GALNT17: variants seen among roughly 807,000 people sequenced by gnomAD.
GALNT17 encodes the protein UDP-GalNAc:polypeptide N-acetylgalactosaminyltransferase-like 3.
In GALNT17, 29 loss-of-function variants were observed where a neutral mutation model predicts 63.7. That is an observed-to-expected ratio of 0.46 (90% CI 0.34 to 0.62). The LOEUF is 0.62. Among genes scored for constraint, GALNT17 ranks in the 20% least tolerant of loss-of-function variants. The pLI, the probability that GALNT17 is intolerant of heterozygous loss-of-function variation, is 0.01. For missense variants in GALNT17, 603 were observed against 799.6 expected (o/e 0.75, Z 2.97); for synonymous variants, 305 against 318.3 (o/e 0.96, Z 0.45).
intron 3 of GALNT17, among the ~76,000 whole-genome samples, chr7:71,413,839 G>A (rs1338024801): frequency 6.6e-6 from 1 of 151,870 alleles, no homozygotes; most frequent in Admixed American, 6.6e-5. Context: ...CATTGGAGGT[G>A]GCATCTACCT....
intron 1 of GALNT17, among the ~76,000 whole-genome samples, chr7:71,171,322 C>T (rs1357840001): frequency 6.6e-6 from 1 of 152,116 alleles, no homozygotes; most frequent in Non-Finnish European, 1.5e-5. Flanking sequence ...CAAGACCAGC[C>T]TGAGCAACAT....
chr7:71,194,816 A>G (rs76114399), intron 1 of GALNT17, among the ~76,000 whole-genome samples: 1,696 of 152,318 alleles, frequency 0.011, 29 homozygotes, highest in East Asian at 0.064. Flanking sequence ...GTGGAGTTAC[A>G]TCAGAGCCCT....
chr7:71,143,483 G>A (rs184870545), intron 1 of GALNT17, among the ~76,000 whole-genome samples: 59 of 152,146 alleles, frequency 3.9e-4, no homozygotes, highest in Admixed American at 1.2e-3. Context: ...ACGAATCTGC[G>A]GGATTCCTGG....
intron 6 of GALNT17, among the ~76,000 whole-genome samples, chr7:71,578,004 C>CGTTCATTT (rs1554311557): frequency 1.4e-5 from 2 of 143,234 alleles, no homozygotes; most frequent in Non-Finnish European, 3.0e-5. Flanking sequence ...GGGTTGTTTA[C>CGTTCATTT]ATTTATTTAT....
At chr7:71,509,936 T>C (rs1008965207) in intron 5 of GALNT17, among the ~76,000 whole-genome samples, 5 of 115,370 alleles carry the variant, frequency 4.3e-5, no homozygotes, top group African/African-American at 1.2e-4. Flanking sequence ...CAATTCTCCA[T>C]TTAAAGTGTA....
At chr7:71,241,875 T>C (rs1790003552) in intron 1 of GALNT17, among the ~76,000 whole-genome samples, 2 of 152,102 alleles carry the variant, frequency 1.3e-5, no homozygotes, top group Admixed American at 6.6e-5. Flanking sequence ...GGTGACAGGA[T>C]GAGACCTTAT....
rs543506570 is a variant in GALNT17 at position 71,355,634 on chromosome 7, G to A, written c.422+19901G>A. Among the ~76,000 whole-genome samples the A allele has an allele frequency of 3.3e-5, 5 of 152,034 alleles. No individual in the cohort carries two copies. In the East Asian group the frequency reaches 9.7e-4, roughly 29 times the overall value. On this transcript the variant is annotated intron_variant, in intron 2 of 10. Transcript: ENST00000333538. ...TGCAACCTCTGCTTCCCAGGTTCAA[G>A]CAATTCTCCTGCCTCAGCCTTCCGA...
In GALNT17 at chr7:71,485,905, A is replaced by G. The variant is rs553734831; in HGVS notation, c.962+64800A>G. Reference sequence around the variant, plus strand: ...GCAGTGCCCTTTTCTTAAGGAATTCATAATCTAATTGTTACGTTTCTCTGA... The same window carrying G: ...GCAGTGCCCTTTTCTTAAGGAATTCGTAATCTAATTGTTACGTTTCTCTGA... On this transcript the variant is annotated intron_variant, in intron 5 of 10. Transcript: ENST00000333538. Among the ~76,000 whole-genome samples, 4 of 152,336 alleles carry G rather than the reference A, an allele frequency of 2.6e-5. No individual in the cohort carries two copies. In the East Asian group the frequency reaches 7.7e-4, roughly 29 times the overall value.
intron 5 of GALNT17, among the ~76,000 whole-genome samples, chr7:71,464,710 C>G (rs1364031785): frequency 1.3e-5 from 2 of 152,102 alleles, no homozygotes; most frequent in African/African-American, 4.8e-5. Context: ...CCCACTTGGT[C>G]CGTGGACAGG....
chr7:71,272,066 A>G (rs1790602744), intron 1 of GALNT17, among the ~76,000 whole-genome samples: 1 of 152,006 alleles, frequency 6.6e-6, no homozygotes, highest in Admixed American at 6.6e-5. Flanking sequence ...GTTGTCCCCT[A>G]TTTCTATGGT....
intron 1 of GALNT17, among the ~76,000 whole-genome samples, chr7:71,244,434 G>T (rs144285283): frequency 2.8e-4 from 43 of 152,284 alleles, no homozygotes; most frequent in South Asian, 8.3e-4. Context: ...GTCAGGAGCT[G>T]AGTCTTTGGA....
intron 5 of GALNT17, among the ~76,000 whole-genome samples, chr7:71,531,651 G>T (rs891739662): frequency 3.3e-5 from 5 of 152,130 alleles, no homozygotes; most frequent in Non-Finnish European, 5.9e-5. Context: ...TGACCATTGT[G>T]TTGCCCAGAC....
At chr7:71,434,270 A>T (rs903371374) in intron 5 of GALNT17, among the ~76,000 whole-genome samples, 3 of 152,028 alleles carry the variant, frequency 2.0e-5, no homozygotes, top group African/African-American at 7.2e-5. Context: ...ATATACATCT[A>T]TCTTATGAGT....
chr7:71,542,420 A>G (rs919654859), intron 5 of GALNT17, among the ~76,000 whole-genome samples: 2 of 152,002 alleles, frequency 1.3e-5, no homozygotes, highest in Non-Finnish European at 2.9e-5. Context: ...CTAAAAGATA[A>G]TGATAATCGC....
chr7:71,477,766 G>A (rs1396804726), intron 5 of GALNT17, among the ~76,000 whole-genome samples: 2 of 152,118 alleles, frequency 1.3e-5, no homozygotes, highest in Admixed American at 6.6e-5. Flanking sequence ...TAACAGATGT[G>A]GTCACTAATA....
At chr7:71,185,130 C>T (rs1788823678) in intron 1 of GALNT17, among the ~76,000 whole-genome samples, 1 of 147,778 alleles carries the variant, frequency 6.8e-6, no homozygotes, top group African/African-American at 2.5e-5. Context: ...CTCCCTTCCC[C>T]TCTCCTCCCC....
At chr7:71,197,114 C>G (rs1789065173) in intron 1 of GALNT17, among the ~76,000 whole-genome samples, 1 of 146,654 alleles carries the variant, frequency 6.8e-6, no homozygotes, top group South Asian at 2.2e-4. Flanking sequence ...CTTTGTGCTA[C>G]AAATAATCCA....
At chr7:71,348,614 G>A (rs538769257) in intron 2 of GALNT17, among the ~76,000 whole-genome samples, 9 of 152,296 alleles carry the variant, frequency 5.9e-5, no homozygotes, top group African/African-American at 1.9e-4. Flanking sequence ...ACATTCCCCA[G>A]ATGTAGATGC....
chr7:71,181,603 C>G (rs1437604142), intron 1 of GALNT17, among the ~76,000 whole-genome samples: 1 of 152,102 alleles, frequency 6.6e-6, no homozygotes, highest in African/African-American at 2.4e-5. Context: ...CACGGTGGCT[C>G]ATGCCTGTAA....
Sources: allele counts gnomAD v4.1 joint callset (sites outside exome capture counted in the v4.1 genomes callset), GRCh38; gene constraint gnomAD v4.1.1; transcripts MANE v1.5; gene names NCBI Gene and HGNC (gene_info 2026-07-23, HGNC 2026-07-21).